The following TECPR2 variants were observed in gnomAD, a reference collection of about 807,000 sequenced individuals.
TECPR2 encodes the protein tectonin beta-propeller repeat containing 2, also known as tectonin beta-propeller repeat-containing protein 2.
A neutral mutation model predicts 138.1 loss-of-function variants in TECPR2; 65 were observed. The observed-to-expected ratio is 0.47, with a 90% confidence interval of 0.39 to 0.58. TECPR2 has a LOEUF of 0.58. TECPR2 is among the 20% of genes least tolerant of loss of function. The probability of loss-of-function intolerance (pLI) is 0.00; values close to 1 mark genes in which losing one functional copy is unlikely to be tolerated. For missense variants in TECPR2, 1,553 were observed against 1,824.5 expected, an observed-to-expected ratio of 0.85 and a Z score of 2.71; for synonymous variants, 746 against 749.8, an observed-to-expected ratio of 0.99 and a Z score of 0.08.
At position 102,394,310 on chromosome 14, in the gene TECPR2, C is replaced by T. The variant is rs556603441; in HGVS notation, c.220-13028C>T. Among the ~76,000 whole-genome samples, 237 of 152,136 alleles carry T rather than the reference C, an allele frequency of 1.6e-3. 3 individuals carry two copies. Among genetic ancestry groups the T allele is most frequent in the African/African-American group, 5.2e-3 (215 of 41,518 alleles). ...TCTTGATTTTCACTAGCTTTGTAAC[C>T]TTAGACAAATTACTACCAGGCACGG... On this transcript the variant is annotated intron_variant, in intron 2 of 19. Coordinates refer to ENST00000359520, the MANE Select transcript of TECPR2 (RefSeq NM_014844.5).
intron 17 of TECPR2, among the ~76,000 whole-genome samples, chr14:102,485,706 C>T (rs1232838049): frequency 2.0e-5 from 3 of 152,170 alleles, no homozygotes; most frequent in African/African-American, 4.8e-5. Flanking sequence ...GAGCCCCTCG[C>T]GATGCTTGCC....
chr14:102,435,816 T>G (rs1045437339), intron 9 of TECPR2, among the ~76,000 whole-genome samples: 2 of 152,252 alleles, frequency 1.3e-5, no homozygotes, highest in Admixed American at 6.5e-5. Flanking sequence ...TTAACTGTCC[T>G]TGAGCATTTT....
At chr14:102,367,781 C>T (rs1053013033) in intron 1 of TECPR2, among the ~76,000 whole-genome samples, 2 of 152,110 alleles carry the variant, frequency 1.3e-5, no homozygotes, top group Non-Finnish European at 2.9e-5. Flanking sequence ...AATAGAACTT[C>T]TGGGTCACAT....
At chr14:102,442,641 G>A (rs143316431) in intron 11 of TECPR2, among the ~76,000 whole-genome samples, 17 of 152,312 alleles carry the variant, frequency 1.1e-4, no homozygotes, top group Non-Finnish European at 2.2e-4. Flanking sequence ...CAGACCTGTT[G>A]GATTAGGTCC....
At chr14:102,442,579 G>C (rs1224311416) in intron 11 of TECPR2, among the ~76,000 whole-genome samples, 1 of 152,242 alleles carries the variant, frequency 6.6e-6, no homozygotes, top group South Asian at 2.1e-4. Context: ...CTCTAAACCA[G>C]TAGTGCCAGA....
chr14:102,402,663 G>C (rs1285452179), intron 2 of TECPR2, among the ~76,000 whole-genome samples: 1 of 152,036 alleles, frequency 6.6e-6, no homozygotes, highest in African/African-American at 2.4e-5. Flanking sequence ...GGATCAAGAA[G>C]AAATGAGAGA....
Position 102,410,471 on chromosome 14 carries a change from A to T in TECPR2, c.480+1852A>T, listed in dbSNP as rs1247843219. Among the ~76,000 whole-genome samples, 18 of 136,374 alleles carry T rather than the reference A, an allele frequency of 1.3e-4. No homozygotes were observed. The East Asian group carries it at 2.3e-3, about 17-fold the overall frequency. 89.5% of individuals were successfully genotyped at this position (136,374 alleles called of 152,430 possible). A position where few individuals can be genotyped will look rare whatever the true frequency, so the allele number is the denominator to read the frequency against. ...AGAATTATCAATAAAAAAATAAATT[A>T]AAAAAAAAAATAAAAAATAAAAAAT... is the stretch of plus-strand genomic sequence containing the variant. On this transcript the variant is annotated intron_variant, in intron 4 of 19. Transcript: ENST00000359520.
At chr14:102,372,401 G>A (rs1233818157) in intron 1 of TECPR2, among the ~76,000 whole-genome samples, 1 of 152,148 alleles carries the variant, frequency 6.6e-6, no homozygotes, top group Non-Finnish European at 1.5e-5. Context: ...AAGTGGCTGG[G>A]ATTACAGGCA....
chr14:102,462,880 T>A (rs1354605786), intron 16 of TECPR2, among the ~76,000 whole-genome samples: 1 of 152,220 alleles, frequency 6.6e-6, no homozygotes, highest in Non-Finnish European at 1.5e-5. Context: ...AAGTTCATTT[T>A]AAAATGAGCA....
chr14:102,444,228 C>G (rs1323954046), intron 12 of TECPR2, among the ~76,000 whole-genome samples: 1 of 147,028 alleles, frequency 6.8e-6, no homozygotes, highest in Non-Finnish European at 1.5e-5. Context: ...GGTTCTCACT[C>G]TGTCACCCAG....
At chr14:102,493,662 T>G (rs1255097215) in intron 17 of TECPR2, among the ~76,000 whole-genome samples, 1 of 152,150 alleles carries the variant, frequency 6.6e-6, no homozygotes, top group African/African-American at 2.4e-5. Context: ...CTCCAGGTGG[T>G]CCCTGGGGAC....
chr14:102,467,362 T>A (rs1890568401), intron 17 of TECPR2, among the ~76,000 whole-genome samples: 1 of 149,528 alleles, frequency 6.7e-6, no homozygotes, highest in African/African-American at 2.5e-5. Context: ...TTCGCTCTTA[T>A]TGCCTAGTCT....
chr14:102,438,268 C>T (rs1224165367), intron 10 of TECPR2, 63 bp downstream of exon 10: 10 of 1,537,020 alleles, frequency 6.5e-6, no homozygotes, highest in Non-Finnish European at 7.8e-6. Context: ...CTCCCCGCCC[C>T]CGGGGTGCAG....
chr14:102,387,091 T>C (rs1888028718), intron 2 of TECPR2, among the ~76,000 whole-genome samples: 1 of 152,216 alleles, frequency 6.6e-6, no homozygotes, highest in Non-Finnish European at 1.5e-5. Context: ...TAAGATTTTA[T>C]GGGAAGATAA....
rs147434389 is a variant in TECPR2, at chr14:102,379,321, G to A, written c.219+2381G>A. Among the ~76,000 whole-genome samples the A allele has an allele frequency of 7.6e-3, 1,077 of 141,256 alleles. 5 individuals are homozygous for A. Among genetic ancestry groups the A allele is most frequent in the Middle Eastern group, 0.024 (5 of 212 alleles). The allele number at this position is 141,256 out of a possible 152,430, so 92.7% of individuals were successfully genotyped here. On this transcript the variant is annotated intron_variant, in intron 2 of 19. Transcript: ENST00000359520. ...AATCTTAAAATCCATGCACAGAGGC[G>A]TCCTAGTCACACTGCTAAAGATCGC...
chr14:102,396,260 G>A (rs1729901188), intron 2 of TECPR2, among the ~76,000 whole-genome samples: 2 of 151,796 alleles, frequency 1.3e-5, no homozygotes, highest in South Asian at 4.2e-4. Context: ...ACACCACCAC[G>A]CCAGGCTAGT....
chr14:102,493,484 A>C (rs568044304), intron 17 of TECPR2, among the ~76,000 whole-genome samples: 16 of 152,226 alleles, frequency 1.1e-4, no homozygotes, highest in Non-Finnish European at 1.9e-4. Context: ...CGCTTCCCCA[A>C]ATCTGCACCT....
At chr14:102,390,375 G>A (rs1425382222) in intron 2 of TECPR2, among the ~76,000 whole-genome samples, 3 of 151,920 alleles carry the variant, frequency 2.0e-5, no homozygotes, top group Non-Finnish European at 4.4e-5. Flanking sequence ...AATGAGGGTA[G>A]CAATAAATGC....
chr14:102,387,160 T>C (rs187157959), intron 2 of TECPR2, among the ~76,000 whole-genome samples: 1 of 152,340 alleles, frequency 6.6e-6, no homozygotes. Flanking sequence ...ATTATGTTTT[T>C]AAATGAAGTT....
Sources: allele counts gnomAD v4.1 joint callset (sites outside exome capture counted in the v4.1 genomes callset), GRCh38; gene constraint gnomAD v4.1.1; transcripts MANE v1.5; gene names NCBI Gene and HGNC (gene_info 2026-07-23, HGNC 2026-07-21).